The following LSAMP variants were observed in gnomAD, a reference collection of about 807,000 sequenced individuals.
The protein encoded by LSAMP is limbic system-associated membrane protein.
A neutral mutation model predicts 38.6 loss-of-function variants in LSAMP; 7 were observed. That is an observed-to-expected ratio of 0.18 (90% confidence interval 0.10 to 0.34). The LOEUF is 0.34. LSAMP is among the 10% of genes least tolerant of loss of function. The pLI is 1.00. For synonymous variants in LSAMP, 154 were observed against 166.8 expected (o/e 0.92, Z 0.59); for missense variants, 313 against 420.0 (o/e 0.75, Z 2.23).
chr3:116,184,557 C>G (rs1232336962), intron 1 of LSAMP, among the ~76,000 whole-genome samples: 1 of 151,844 alleles, frequency 6.6e-6, no homozygotes, highest in East Asian at 1.9e-4. Flanking sequence ...TTGGGGGTAT[C>G]TTTAAAAATA....
intron 1 of LSAMP, among the ~76,000 whole-genome samples, chr3:116,297,949 T>C (rs1229195130): frequency 6.6e-6 from 1 of 152,212 alleles, no homozygotes; most frequent in African/African-American, 2.4e-5. Context: ...CCACTAATTC[T>C]GTAGTCATAC....
At chr3:116,428,484 A>T (rs1204049021) in intron 1 of LSAMP, among the ~76,000 whole-genome samples, 2 of 152,204 alleles carry the variant, frequency 1.3e-5, no homozygotes, top group African/African-American at 4.8e-5. Flanking sequence ...TTTTAAGGAA[A>T]TGTCCACTTT....
rs527521454 is a variant in LSAMP at position 115,894,105 on chromosome 3, G to A, written c.515-41488C>T. On this transcript the variant is annotated intron_variant, in intron 3 of 6. Coordinates refer to ENST00000490035, the MANE Select transcript of LSAMP (RefSeq NM_002338.5). ...AGTATTATTTGAATTAGATAAATAC[G>A]CATAACTCTTTATTCCATCAACCAT... Among the ~76,000 whole-genome samples, 10 of 151,934 alleles carry A rather than the reference G, an allele frequency of 6.6e-5. No homozygotes were observed. The East Asian group carries it at 7.8e-4, about 12-fold the overall frequency.
chr3:116,256,504 TGAAA>T (rs2046753376), intron 1 of LSAMP, among the ~76,000 whole-genome samples: 1 of 152,330 alleles, frequency 6.6e-6, no homozygotes, highest in Admixed American at 6.5e-5. Context: ...AAGAATTGGT[TGAAA>T]GAAGTAATAA....
chr3:116,076,243 C>T (rs1024211298), intron 2 of LSAMP, among the ~76,000 whole-genome samples: 2 of 151,838 alleles, frequency 1.3e-5, no homozygotes, highest in Admixed American at 6.6e-5. Flanking sequence ...GTCTTTCTTC[C>T]CAATAAAATA....
At chr3:115,819,611 G>A (rs570947345) in intron 6 of LSAMP, among the ~76,000 whole-genome samples, 2 of 152,228 alleles carry the variant, frequency 1.3e-5, no homozygotes, top group African/African-American at 4.8e-5. Flanking sequence ...AGAGAAAGTT[G>A]ATTACAAGAA....
At chr3:116,276,684 G>GAAAAAAAAAAAA (rs200897808) in intron 1 of LSAMP, among the ~76,000 whole-genome samples, 1 of 106,812 alleles carries the variant, frequency 9.4e-6, no homozygotes. Context: ...TAAAAAAAAA[G>GAAAAAAAAAAAA]AAAAAAAAAA....
intron 1 of LSAMP, among the ~76,000 whole-genome samples, chr3:116,262,613 G>C (rs1430332449): frequency 6.6e-6 from 1 of 152,176 alleles, no homozygotes; most frequent in African/African-American, 2.4e-5. Flanking sequence ...GCACTTATGG[G>C]TGTACGTGAA....
At chr3:116,119,494 GAT>G (rs1365885132) in intron 1 of LSAMP, among the ~76,000 whole-genome samples, 1 of 151,824 alleles carries the variant, frequency 6.6e-6, no homozygotes, top group Non-Finnish European at 1.5e-5. Context: ...TCATAAGAAA[GAT>G]AAAATAAAAC....
intron 1 of LSAMP, among the ~76,000 whole-genome samples, chr3:116,090,014 G>A (rs1708082252): frequency 6.6e-6 from 1 of 151,436 alleles, no homozygotes; most frequent in African/African-American, 2.4e-5. Context: ...CTTAATTTAA[G>A]GTGGCACCTA....
At position 115,808,987 on chromosome 3, in the gene LSAMP, A is replaced by T. The variant is rs985092088; in HGVS notation, c.*1330T>A. ...TTTAAGATTAGGGAGGAGGTAAAAC[A>T]GGGCTGCTTAGGATCTCCAAGTGGT... On this transcript the variant is annotated 3_prime_UTR_variant, in exon 7 of 7. Transcript: ENST00000490035. The T allele has an allele frequency of 6.6e-6, 1 of 152,178 alleles. No homozygotes were observed. The highest frequency in any genetic ancestry group is 1.5e-5 in the Non-Finnish European group (1 of 68,028). The allele number at this position is 152,178 out of a possible 1,614,324, so 9.4% of individuals were successfully genotyped here.
At chr3:115,889,444 T>G (rs1936539434) in intron 3 of LSAMP, among the ~76,000 whole-genome samples, 1 of 151,778 alleles carries the variant, frequency 6.6e-6, no homozygotes, top group African/African-American at 2.4e-5. Flanking sequence ...TAGGTAAGGC[T>G]TAAGAACTTG....
intron 1 of LSAMP, among the ~76,000 whole-genome samples, chr3:116,165,700 T>A (rs1710033856): frequency 6.6e-6 from 1 of 152,206 alleles, no homozygotes; most frequent in South Asian, 2.1e-4. Flanking sequence ...CAGGGCAGGC[T>A]AGTCTTAATG....
chr3:116,168,656 T>C (rs941332350), intron 1 of LSAMP, among the ~76,000 whole-genome samples: 1 of 152,174 alleles, frequency 6.6e-6, no homozygotes, highest in Non-Finnish European at 1.5e-5. Flanking sequence ...TTTGCTCCCA[T>C]GGTGTGAGGT....
Position 115,808,416 on chromosome 3 carries a change from C to T in LSAMP, c.*1901G>A, listed in dbSNP as rs149050841. ...AGGGTTGGTTTTCTGACAAAGACAT[C>T]TATATGCAGAGAGCCAGCTCTCTCG... is the stretch of plus-strand genomic sequence containing the variant. On this transcript the variant is annotated 3_prime_UTR_variant, in exon 7 of 7. Transcript: ENST00000490035. 2.4e-4 allele frequency: 37 copies of T among 152,098 alleles called. No individual in the cohort carries two copies. In the East Asian group the frequency reaches 6.8e-3, roughly 28 times the overall value. The allele number at this position is 152,098 out of a possible 1,614,324, so 9.4% of individuals were successfully genotyped here.
At chr3:115,949,939 A>C (rs2107575376) in intron 3 of LSAMP, among the ~76,000 whole-genome samples, 1 of 152,368 alleles carries the variant, frequency 6.6e-6, no homozygotes, top group East Asian at 1.9e-4. Flanking sequence ...TAACATATGC[A>C]AGTCAATAAA....
chr3:115,972,724 C>A (rs1220980317), intron 3 of LSAMP, among the ~76,000 whole-genome samples: 1 of 151,276 alleles, frequency 6.6e-6, no homozygotes, highest in Non-Finnish European at 1.5e-5. Flanking sequence ...AGTTATGATA[C>A]TGTTGGCTGA....
At chr3:115,965,786 G>C (rs1396266318) in intron 3 of LSAMP, among the ~76,000 whole-genome samples, 1 of 151,596 alleles carries the variant, frequency 6.6e-6, no homozygotes, top group South Asian at 2.1e-4. Flanking sequence ...TTAATCAAAG[G>C]CATACAAGTT....
intron 1 of LSAMP, among the ~76,000 whole-genome samples, chr3:116,204,723 G>A (rs371797326): frequency 3.3e-4 from 50 of 150,978 alleles, no homozygotes; most frequent in African/African-American, 7.1e-4. Flanking sequence ...GATATGCAGC[G>A]TTATTTCTGA....
Sources: allele counts gnomAD v4.1 joint callset (sites outside exome capture counted in the v4.1 genomes callset), GRCh38; gene constraint gnomAD v4.1.1; transcripts MANE v1.5; gene names NCBI Gene and HGNC (gene_info 2026-07-23, HGNC 2026-07-21).